Variants in CLHC1 observed in about 807,000 individuals in gnomAD.
CLHC1 encodes the protein clathrin heavy chain linker domain containing 1.
A neutral mutation model predicts 69.5 loss-of-function variants in CLHC1; 72 were observed. That is an observed-to-expected ratio of 1.04 (90% CI 0.86 to 1.26). The LOEUF is 1.26. Among genes scored for constraint, CLHC1 ranks in the 50% most tolerant of loss-of-function variants. CLHC1 has a pLI of 0.00. For missense variants in CLHC1, 790 were observed against 679.3 expected (o/e 1.16, Z -1.81); for synonymous variants, 223 against 224.3 (o/e 0.99, Z 0.05).
chr2:55,203,957 C>T (rs1011397514), intron 9 of CLHC1, among the ~76,000 whole-genome samples: 1 of 152,042 alleles, frequency 6.6e-6, no homozygotes. Flanking sequence ...TCAAACAACT[C>T]CATAGGAAAA....
In CLHC1 at chr2:55,177,752, G is replaced by C. The variant is rs1421304303; in HGVS notation, c.1414C>G (p.Pro472Ala). Residue 472 changes from proline to alanine, a missense_variant, in exon 12 of 13, where the codon CCC becomes GCC. Transcript: ENST00000401408. ...DDLLQLLMSC[P>A]QVELIQCLTK... ...AGACACTGAATTAATTCAACTTGGG[G>C]ACATGACATTAATAGCTGCAACAGG... is the stretch of plus-strand genomic sequence containing the variant. 6.2e-7 allele frequency: 1 copy of C among 1,610,782 alleles called. No individual in the cohort carries two copies. The highest frequency in any genetic ancestry group is 1.7e-5 in the Admixed American group (1 of 59,418).
At chr2:55,225,149 G>A (rs146504406) in intron 2 of CLHC1, 1 of 152,952 alleles carries the variant, frequency 6.5e-6, no homozygotes, top group Non-Finnish European at 1.5e-5. Flanking sequence ...ATGTGACTAA[G>A]AGGGATGACC....
At chr2:55,192,277 G>A (rs934870590) in intron 9 of CLHC1, among the ~76,000 whole-genome samples, 2 of 151,926 alleles carry the variant, frequency 1.3e-5, no homozygotes, top group Non-Finnish European at 2.9e-5. Context: ...TCACCACCAT[G>A]CCCAGCTAAT....
At chr2:55,218,158 A>G in intron 3 of CLHC1, 160 bp from the exon 4 acceptor site, 1 of 439,992 alleles carries the variant, frequency 2.3e-6, no homozygotes, top group Non-Finnish European at 4.0e-6. Flanking sequence ...TGGACACTAA[A>G]GGCAATATTT....
chr2:55,223,355 T>C (rs1334596047), intron 2 of CLHC1, among the ~76,000 whole-genome samples: 6 of 152,160 alleles, frequency 3.9e-5, no homozygotes, highest in South Asian at 2.1e-4. Context: ...AAAGTAACAG[T>C]ATTTTTCAGA....
chr2:55,214,901 A>G (rs1473905061), intron 4 of CLHC1: 3 of 152,242 alleles, frequency 2.0e-5, no homozygotes, highest in Non-Finnish European at 4.4e-5. Flanking sequence ...ATACATTACC[A>G]CATGGACGAG....
At chr2:55,199,141 C>A (rs1671698786) in intron 9 of CLHC1, among the ~76,000 whole-genome samples, 2 of 151,252 alleles carry the variant, frequency 1.3e-5, no homozygotes, top group Non-Finnish European at 3.0e-5. Context: ...TACTAAAATA[C>A]AAAAAACTAG....
intron 9 of CLHC1, 70 bp from the exon 10 acceptor site, chr2:55,181,814 A>G (rs1390180724): frequency 8.4e-7 from 1 of 1,192,722 alleles, no homozygotes; most frequent in Non-Finnish European, 1.2e-6. Context: ...ATCTCATATT[A>G]CTATTTTTGT....
intron 11 of CLHC1, among the ~76,000 whole-genome samples, chr2:55,179,233 C>A (rs1439944090): frequency 6.6e-6 from 1 of 152,040 alleles, no homozygotes; most frequent in Non-Finnish European, 1.5e-5. Flanking sequence ...ACCTACTATG[C>A]CAGATTCTGT....
chr2:55,217,540 AAAAAAAAAAAAAATATATATAT>A (rs1220438117), intron 4 of CLHC1, among the ~76,000 whole-genome samples: 10 of 82,570 alleles, frequency 1.2e-4, no homozygotes, highest in African/African-American at 4.3e-4. Flanking sequence ...AAAAAAAAAA[AAAAAAAAAAAAAATATATATAT>A]ATATATATAT....
At chr2:55,182,956 C>A (rs557920150) in intron 9 of CLHC1, among the ~76,000 whole-genome samples, 14 of 152,152 alleles carry the variant, frequency 9.2e-5, no homozygotes, top group Non-Finnish European at 1.9e-4. Context: ...GAGGGAAGGC[C>A]CTAAAAAACA....
chr2:55,209,018 C>A (rs1387982553), intron 7 of CLHC1, among the ~76,000 whole-genome samples: 1 of 151,900 alleles, frequency 6.6e-6, no homozygotes, highest in East Asian at 1.9e-4. Context: ...CTACAGGTGC[C>A]TGCAACCACA....
At chr2:55,213,224 C>T (rs1673178504) in intron 4 of CLHC1, among the ~76,000 whole-genome samples, 1 of 152,162 alleles carries the variant, frequency 6.6e-6, no homozygotes, top group Non-Finnish European at 1.5e-5. Context: ...AAATCAGTAT[C>T]ACCGGACCAA....
Position 55,198,147 on chromosome 2 carries a change from T to G in CLHC1, c.1006+8123A>C, listed in dbSNP as rs376840858. The stretch of plus-strand genomic sequence containing the variant: ...AGCCAGACTATCTGAAAATATACAG[T>G]GAGAGGAAACAAAAGAAAAGAGAAT... On this transcript the variant is annotated intron_variant, in intron 9 of 12. Coordinates refer to ENST00000401408, the MANE Select transcript of CLHC1 (RefSeq NM_152385.4). 6.6e-5 allele frequency among the ~76,000 whole-genome samples: 10 copies of G among 151,578 alleles called. No individual in the cohort carries two copies. In the East Asian group the frequency reaches 1.2e-3, roughly 18 times the overall value.
intron 11 of CLHC1, among the ~76,000 whole-genome samples, chr2:55,178,221 C>A (rs181386158): frequency 4.6e-5 from 7 of 152,214 alleles, no homozygotes; most frequent in African/African-American, 7.2e-5. Flanking sequence ...GGACCAAATT[C>A]TGGTGAGTAT....
chr2:55,217,702 T>C, intron 4 of CLHC1, 109 bp downstream of exon 4: 1 of 605,126 alleles, frequency 1.7e-6, no homozygotes, highest in East Asian at 3.2e-5. Context: ...ATCATTTAAA[T>C]AAAATTGAAA....
chr2:55,216,843 T>G (rs112939629), intron 4 of CLHC1, among the ~76,000 whole-genome samples: 12 of 152,130 alleles, frequency 7.9e-5, no homozygotes, highest in African/African-American at 2.9e-4. Context: ...TGATACAAAA[T>G]GTGCTTTCAA....
At chr2:55,185,248 A>G (rs1670314967) in intron 9 of CLHC1, among the ~76,000 whole-genome samples, 1 of 152,170 alleles carries the variant, frequency 6.6e-6, no homozygotes, top group Admixed American at 6.6e-5. Context: ...CACACCAAAC[A>G]ACACAGAAAG....
intron 9 of CLHC1, among the ~76,000 whole-genome samples, chr2:55,205,191 T>C (rs1054854035): frequency 4.6e-5 from 7 of 152,146 alleles, no homozygotes; most frequent in Middle Eastern, 3.2e-3. Context: ...ACAATCTCTA[T>C]GGAATACAGT....
Sources: allele counts gnomAD v4.1 joint callset (sites outside exome capture counted in the v4.1 genomes callset), GRCh38; gene constraint gnomAD v4.1.1; transcripts MANE v1.5; gene names NCBI Gene and HGNC (gene_info 2026-07-23, HGNC 2026-07-21).